The following ARHGEF3 variants were observed in gnomAD, a reference collection of about 807,000 sequenced individuals.
The protein encoded by ARHGEF3 is Rho guanine nucleotide exchange factor 3.
In ARHGEF3, 28 loss-of-function variants were observed where a neutral mutation model predicts 63.2. That is an observed-to-expected ratio of 0.44 (90% CI 0.33 to 0.61). The LOEUF is 0.61. Among genes scored for constraint, ARHGEF3 ranks in the 20% least tolerant of loss-of-function variants. The pLI is 0.03. For missense variants in ARHGEF3, 533 were observed against 659.3 expected (o/e 0.81, Z 2.10); for synonymous variants, 266 against 254.2 (o/e 1.05, Z -0.44).
At chr3:56,947,780 A>C (rs568454333) in intron 3 of ARHGEF3, among the ~76,000 whole-genome samples, 1 of 152,310 alleles carries the variant, frequency 6.6e-6, no homozygotes, top group Non-Finnish European at 1.5e-5. Context: ...AAGCAGACCT[A>C]ACAGACATCT....
At chr3:56,872,182 G>C (rs1328321434) in intron 4 of ARHGEF3, among the ~76,000 whole-genome samples, 1 of 152,120 alleles carries the variant, frequency 6.6e-6, no homozygotes, top group Non-Finnish European at 1.5e-5. Flanking sequence ...AACAGTCTTT[G>C]TGGGGAAAGG....
At position 57,012,129 on chromosome 3, in the gene ARHGEF3, G is replaced by A. The variant is rs1579084274; in HGVS notation, c.62+22959C>T. Among the ~76,000 whole-genome samples the A allele has an allele frequency of 1.3e-5, 2 of 152,280 alleles. 1 individual carries two copies. The highest frequency in any genetic ancestry group is 4.1e-4 in the South Asian group (2 of 4,822). On this transcript the variant is annotated intron_variant, in intron 2 of 12. Coordinates refer to the ARHGEF3 transcript ENST00000338458. The stretch of plus-strand genomic sequence containing the variant: ...TCTACAGGAGATGGCCTCGTGACCT[G>A]CCTCAAAACCCAAGAGCCACTACCA...
intron 1 of ARHGEF3, chr3:57,078,411 A>G (rs998016838): frequency 2.6e-5 from 4 of 152,244 alleles, no homozygotes; most frequent in Admixed American, 2.6e-4. Context: ...TCTAAGAACA[A>G]GGCGCTCTGT....
chr3:56,950,003 C>T (rs1055708962), intron 3 of ARHGEF3, among the ~76,000 whole-genome samples: 1 of 151,978 alleles, frequency 6.6e-6, no homozygotes, highest in Non-Finnish European at 1.5e-5. Flanking sequence ...TGATCTTTGA[C>T]AAACCTGACA....
At chr3:57,002,334 TTC>T (rs889647228) in intron 2 of ARHGEF3, among the ~76,000 whole-genome samples, 1 of 149,354 alleles carries the variant, frequency 6.7e-6, no homozygotes, top group Non-Finnish European at 1.5e-5. Flanking sequence ...TTCACACAAT[TTC>T]TGAGTGCTTA....
intron 2 of ARHGEF3, among the ~76,000 whole-genome samples, chr3:57,026,814 T>C (rs1703496101): frequency 6.6e-6 from 1 of 152,180 alleles, no homozygotes; most frequent in South Asian, 2.1e-4. Flanking sequence ...GTGCACTAGG[T>C]GCCAGACACT....
At chr3:56,947,920 C>A (rs566454370) in intron 3 of ARHGEF3, among the ~76,000 whole-genome samples, 5 of 152,176 alleles carry the variant, frequency 3.3e-5, no homozygotes, top group African/African-American at 1.2e-4. Context: ...GAAGTTATAA[C>A]AAACTGTCTC....
chr3:56,744,781 G>A (rs746843880), intron 7 of ARHGEF3, among the ~76,000 whole-genome samples: 5 of 152,072 alleles, frequency 3.3e-5, no homozygotes, highest in Non-Finnish European at 5.9e-5. Context: ...CACTGTAATC[G>A]GGGGCTAAAT....
intron 3 of ARHGEF3, chr3:56,940,149 C>T (rs961105091): frequency 6.6e-6 from 1 of 152,072 alleles, no homozygotes; most frequent in Non-Finnish European, 1.5e-5. Context: ...AGTCAAGAAT[C>T]CTCATGGGCT....
chr3:56,731,466 G>A (rs1287026493), intron 9 of ARHGEF3: 1 of 151,914 alleles, frequency 6.6e-6, no homozygotes, highest in African/African-American at 2.4e-5. Context: ...AGGAGGCAGA[G>A]AGTGCAGTGA....
chr3:56,805,378 G>A (rs1278618122), upstream of ARHGEF3, among the ~76,000 whole-genome samples: 2 of 152,108 alleles, frequency 1.3e-5, no homozygotes, highest in Admixed American at 6.6e-5. Flanking sequence ...GGGACTACAG[G>A]CACACGTCAC....
chr3:57,012,950 C>A (rs760789230), intron 2 of ARHGEF3, among the ~76,000 whole-genome samples: 2 of 152,324 alleles, frequency 1.3e-5, no homozygotes, highest in African/African-American at 4.8e-5. Context: ...CGGGTGGGTG[C>A]GGGCTTGGCA....
chr3:56,735,852 T>G (rs1379141911), intron 8 of ARHGEF3, among the ~76,000 whole-genome samples: 2 of 152,214 alleles, frequency 1.3e-5, no homozygotes, highest in Admixed American at 1.3e-4. Flanking sequence ...TTATAACATG[T>G]ACTCACTAAT....
intron 1 of ARHGEF3, among the ~76,000 whole-genome samples, chr3:57,040,306 T>C (rs1704125327): frequency 6.7e-6 from 1 of 149,838 alleles, no homozygotes; most frequent in East Asian, 1.9e-4. Flanking sequence ...TGAAACCCCA[T>C]CTCTACTAAA....
intron 2 of ARHGEF3, among the ~76,000 whole-genome samples, chr3:57,022,134 C>G (rs1480820139): frequency 6.6e-6 from 1 of 152,032 alleles, no homozygotes. Context: ...TTTAGCCGGG[C>G]ACGGTGGCAT....
intron 7 of ARHGEF3, among the ~76,000 whole-genome samples, chr3:56,742,137 A>G (rs1025432627): frequency 6.6e-6 from 1 of 151,546 alleles, no homozygotes; most frequent in African/African-American, 2.4e-5. Context: ...CGGCTGTTGC[A>G]TCAAAAGCAG....
intron 3 of ARHGEF3, among the ~76,000 whole-genome samples, chr3:56,925,853 G>A (rs1164568348): frequency 6.6e-6 from 1 of 152,194 alleles, no homozygotes; most frequent in East Asian, 1.9e-4. Context: ...CATGGAGCCT[G>A]GAGGCTGGTG....
chr3:56,913,458 C>T (rs1041375536), intron 3 of ARHGEF3, among the ~76,000 whole-genome samples: 1 of 151,952 alleles, frequency 6.6e-6, no homozygotes, highest in Non-Finnish European at 1.5e-5. Flanking sequence ...CAAGGTGATA[C>T]CACTTCACAC....
intron 2 of ARHGEF3, among the ~76,000 whole-genome samples, chr3:56,772,711 A>G (rs1237081888): frequency 2.6e-5 from 4 of 152,234 alleles, no homozygotes; most frequent in Non-Finnish European, 5.9e-5. Context: ...ATAGTAGCTA[A>G]TATTTACTAC....
Sources: gnomAD v4.1 joint callset for allele counts (sites outside exome capture counted in the v4.1 genomes callset) on GRCh38, gnomAD v4.1.1 for gene constraint, MANE v1.5 for transcripts, NCBI Gene and HGNC (gene_info 2026-07-23, HGNC 2026-07-21) for gene names.